Variants in FAM118A observed in about 807,000 individuals in gnomAD.
The protein encoded by FAM118A is SIR2 antiphage like 2, also known as protein FAM118A.
A neutral mutation model predicts 38.2 loss-of-function variants in FAM118A; 25 were observed. That is an observed-to-expected ratio of 0.65 (90% CI 0.48 to 0.91). The LOEUF is 0.91. FAM118A is among the 40% of genes least tolerant of loss of function. The pLI, the probability that FAM118A is intolerant of heterozygous loss-of-function variation, is 0.00. For missense variants in FAM118A, 425 were observed against 463.3 expected, an observed-to-expected ratio of 0.92 and a Z score of 0.76; for synonymous variants, 178 against 184.1, an observed-to-expected ratio of 0.97 and a Z score of 0.27.
intron 3 of FAM118A, among the ~76,000 whole-genome samples, chr22:45,327,581 C>T (rs895938114): frequency 3.9e-5 from 6 of 152,180 alleles, no homozygotes; most frequent in African/African-American, 1.2e-4. Context: ...GAGAGGCTTG[C>T]CTAGTGTCTT....
intron 8 of FAM118A, among the ~76,000 whole-genome samples, chr22:45,337,501 T>A (rs1346981322): frequency 6.6e-6 from 1 of 152,014 alleles, no homozygotes; most frequent in Non-Finnish European, 1.5e-5. Context: ...TTTTGAGGAG[T>A]TTTTAGGTTC....
intron 1 of FAM118A, among the ~76,000 whole-genome samples, chr22:45,321,155 T>G (rs2084854773): frequency 6.6e-6 from 1 of 152,178 alleles, no homozygotes; most frequent in African/African-American, 2.4e-5. Context: ...CTTGCTCTGT[T>G]GCCTAGGCTG....
At chr22:45,314,858 G>T (rs2146590419) in intron 1 of FAM118A, among the ~76,000 whole-genome samples, 1 of 152,324 alleles carries the variant, frequency 6.6e-6, no homozygotes, top group East Asian at 1.9e-4. Context: ...AAAATATCAG[G>T]TATATTTGTT....
rs765325484 is a variant in FAM118A, at chr22:45,340,395, G to C, written c.1064G>C (p.Gly355Ala). The stretch of plus-strand genomic sequence containing the variant: ...TCTTTTATTTAAACAGATGATGCTG[G>C]AGGGTCTTGAAATCTTTACAGTAAA... ...KRTQSDTDDA[G>A]GS The change falls in exon 9 of 9, where the codon GGA (glycine) becomes GCA (alanine). Residue 355 changes from glycine (G) to alanine (A), a missense_variant. Transcript: ENST00000441876. 6.9e-5 allele frequency: 111 copies of C among 1,614,094 alleles called. 1 individual carries two copies. In the South Asian group the frequency reaches 1.1e-3, roughly 16 times the overall value.
At chr22:45,309,751 T>TC (rs2084281337), upstream of FAM118A, 1 of 150,998 alleles carries the variant, frequency 6.6e-6, no homozygotes, top group Admixed American at 6.6e-5. Context: ...GGGCGTGGCC[T>TC]CCCCGGTGGG....
intron 6 of FAM118A, chr22:45,335,094 G>C (rs925289795): frequency 4.0e-6 from 2 of 501,948 alleles, no homozygotes; most frequent in Non-Finnish European, 7.0e-6. Flanking sequence ...GCCCATGACA[G>C]TGACAGTCAT....
At chr22:45,315,294 CAG>C (rs1225309541) in intron 1 of FAM118A, among the ~76,000 whole-genome samples, 1 of 152,052 alleles carries the variant, frequency 6.6e-6, no homozygotes, top group Non-Finnish European at 1.5e-5. Flanking sequence ...TTAAGTTCAA[CAG>C]AATAAAAAGT....
At chr22:45,315,856 C>T (rs2084583442) in intron 1 of FAM118A, among the ~76,000 whole-genome samples, 1 of 152,206 alleles carries the variant, frequency 6.6e-6, no homozygotes, top group South Asian at 2.1e-4. Flanking sequence ...GTTGTGGTTT[C>T]AAGGCTAAGC....
chr22:45,330,406 C>T (rs183604214), intron 4 of FAM118A, 197 bp from the exon 5 acceptor site: 7 of 414,804 alleles, frequency 1.7e-5, no homozygotes, highest in South Asian at 5.6e-5. Flanking sequence ...GTGACTGTAC[C>T]GTCGTAGGAC....
intron 1 of FAM118A, among the ~76,000 whole-genome samples, chr22:45,320,290 C>T (rs1403501963): frequency 1.3e-5 from 2 of 152,030 alleles, no homozygotes; most frequent in Admixed American, 6.5e-5. Flanking sequence ...GGTGAAATCC[C>T]GTCTCTATGA....
chr22:45,322,559 C>T (rs1048128196), intron 2 of FAM118A, 133 bp downstream of exon 2: 20 of 798,616 alleles, frequency 2.5e-5, no homozygotes, highest in Non-Finnish European at 3.3e-5. Context: ...GAGAGAACCT[C>T]GAGGGCCATT....
At chr22:45,322,118 GT>G in intron 1 of FAM118A, 1 of 1,341,472 alleles carries the variant, frequency 7.5e-7, no homozygotes, top group Non-Finnish European at 1.0e-6. Context: ...CTGTGTGTGC[GT>G]TTTCCTTCTG....
Position 45,323,190 on chromosome 22 carries a change from C to A in FAM118A, c.63C>A (p.Ser21Arg), listed in dbSNP as rs1039935827. Residue 21 changes from serine to arginine, a missense_variant, in exon 3 of 9, where the codon AGC (serine) becomes AGA (arginine). Coordinates refer to ENST00000441876, the MANE Select transcript of FAM118A (RefSeq NM_017911.4). Reference protein sequence around the residue: ...SEQKSRKFLKSLIRKQPQELL... With the variant: ...SEQKSRKFLKRLIRKQPQELL... The stretch of plus-strand genomic sequence containing the variant: ...TTTCAAGTAGAAAGTTTTTAAAAAG[C>A]CTCATCCGGAAACAGCCCCAGGAAC... 2 of 1,610,048 alleles carry A rather than the reference C, an allele frequency of 1.2e-6. No individual in the cohort carries two copies. Among genetic ancestry groups the A allele is most frequent in the South Asian group, 2.2e-5 (2 of 91,028 alleles).
Position 45,326,633 on chromosome 22 carries a change from C to A in FAM118A, c.301-1209C>A, listed in dbSNP as rs568046056. Among the ~76,000 whole-genome samples the A allele has an allele frequency of 3.3e-5, 5 of 151,968 alleles. 1 individual carries two copies. In the East Asian group the frequency reaches 9.6e-4, roughly 29 times the overall value. On this transcript the variant is annotated intron_variant, in intron 3 of 8. Coordinates refer to ENST00000441876, the MANE Select transcript of FAM118A (RefSeq NM_017911.4). ...CCTGAGGTCAGGAGTTTGAGACCAG[C>A]CTGGCCAACATGGTGAAACCCCATC...
At chr22:45,340,224 TCA>T (rs1280075406) in intron 8 of FAM118A, among the ~76,000 whole-genome samples, 160 bp from the exon 9 acceptor site, 3 of 152,228 alleles carry the variant, frequency 2.0e-5, no homozygotes, top group Non-Finnish European at 2.9e-5. Context: ...TTACACAAGG[TCA>T]TTTCCAGACA....
At chr22:45,322,012 T>G (rs879223194) in intron 1 of FAM118A, 4 of 358,704 alleles carry the variant, frequency 1.1e-5, no homozygotes, top group Non-Finnish European at 2.1e-5. Context: ...ATAAGTCATC[T>G]GTGTTCATGT....
chr22:45,338,415 G>A (rs1171707726), intron 8 of FAM118A, among the ~76,000 whole-genome samples: 2 of 152,134 alleles, frequency 1.3e-5, no homozygotes, highest in African/African-American at 4.8e-5. Flanking sequence ...TTTTAGTAGA[G>A]ATGGGGTTTC....
intron 7 of FAM118A, 94 bp downstream of exon 7, chr22:45,335,476 C>T: frequency 6.3e-6 from 9 of 1,431,724 alleles, no homozygotes; most frequent in South Asian, 5.9e-5. Context: ...GTTTGTTTTT[C>T]ACCTTAAATA....
At chr22:45,337,664 C>T (rs2086202160) in intron 8 of FAM118A, among the ~76,000 whole-genome samples, 1 of 152,072 alleles carries the variant, frequency 6.6e-6, no homozygotes, top group African/African-American at 2.4e-5. Flanking sequence ...GACACCTTCT[C>T]CTGGTCGGCT....
Sources: allele counts gnomAD v4.1 joint callset (sites outside exome capture counted in the v4.1 genomes callset), GRCh38; gene constraint gnomAD v4.1.1; transcripts MANE v1.5; gene names NCBI Gene and HGNC (gene_info 2026-07-23, HGNC 2026-07-21).